Variants in RBM26 observed in about 807,000 individuals in gnomAD.
RBM26 encodes the protein RNA-binding protein 26.
In RBM26, 30 loss-of-function variants were observed where a neutral mutation model predicts 123.6. The ratio of observed to expected loss-of-function variants is 0.24; its 90% CI spans 0.18 to 0.33. The LOEUF is 0.33. Among genes scored for constraint, RBM26 ranks in the 10% least tolerant of loss-of-function variants. The probability of loss-of-function intolerance (pLI) is 1.00; values close to 1 mark genes in which losing one functional copy is unlikely to be tolerated. For missense variants in RBM26, 947 were observed against 1,203.6 expected, an observed-to-expected ratio of 0.79 and a Z score of 3.15; for synonymous variants, 400 against 404.4, an observed-to-expected ratio of 0.99 and a Z score of 0.13.
chr13:79,331,854 A>G lies in RBM26; in HGVS notation c.2820+2490T>C, dbSNP rs577359223. Among the ~76,000 whole-genome samples, 58 of 152,306 alleles carry G rather than the reference A, an allele frequency of 3.8e-4. 1 individual carries two copies. The highest frequency in any genetic ancestry group is 1.1e-3 in the African/African-American group (47 of 41,564). On this transcript the variant is annotated intron_variant, in intron 20 of 21. Coordinates refer to ENST00000438737, the MANE Select transcript of RBM26 (RefSeq NM_001366735.2). ...GTCTGAGTACTTATCCAACTTTAGT[A>G]CTTTGGCATGGTGATAGACAAAAAA...
chr13:79,392,380 G>GA (rs1272339025), intron 1 of RBM26, among the ~76,000 whole-genome samples: 5 of 142,138 alleles, frequency 3.5e-5, no homozygotes, highest in African/African-American at 1.3e-4. Flanking sequence ...TACTTTTTAG[G>GA]AAAAAAGCTT....
At position 79,405,709 on chromosome 13, in the gene RBM26, C is replaced by T; in HGVS notation, c.66G>A (p.Glu22=). The change falls in exon 1 of 22, where the codon GAG becomes GAA. Residue 22 remains glutamate, a synonymous_variant. Coordinates refer to ENST00000438737, the MANE Select transcript of RBM26 (RefSeq NM_001366735.2). ...GATATCCCCCGGATACTCACATGGG[C>T]TCGAGAGTCTTGCTGAGCCAGGACT... is the stretch of plus-strand genomic sequence containing the variant. ...ALKSWLSKTL[E]PICDADPSAL... is the part of the protein sequence containing the mutation. The T allele has an allele frequency of 6.3e-7, 1 of 1,596,164 alleles. No homozygotes were observed. The highest frequency in any genetic ancestry group is 8.5e-7 in the Non-Finnish European group (1 of 1,169,656).
chr13:79,376,880 T>A (rs1262143744), intron 3 of RBM26: 1 of 152,570 alleles, frequency 6.6e-6, no homozygotes, highest in Non-Finnish European at 1.5e-5. Context: ...CATTACCCCC[T>A]GATAAGGAAT....
intron 9 of RBM26, among the ~76,000 whole-genome samples, chr13:79,362,002 G>C (rs1223359200): frequency 5.3e-5 from 8 of 151,954 alleles, no homozygotes; most frequent in Non-Finnish European, 7.4e-5. Flanking sequence ...CCTCCCACTG[G>C]TACTAATGGG....
intron 6 of RBM26, 66 bp downstream of exon 6, chr13:79,368,663 AT>A (rs2075582385): frequency 6.7e-7 from 1 of 1,483,014 alleles, no homozygotes; most frequent in Non-Finnish European, 9.2e-7. Flanking sequence ...TATGTACAAC[AT>A]AAACACAGAA....
intron 1 of RBM26, among the ~76,000 whole-genome samples, chr13:79,401,535 T>C (rs1234827986): frequency 2.0e-5 from 3 of 152,172 alleles, no homozygotes; most frequent in Non-Finnish European, 4.4e-5. Flanking sequence ...CTCATAAAAC[T>C]TGTAAGTACA....
intron 18 of RBM26, 23 bp downstream of exon 18, chr13:79,341,100 T>C: frequency 1.5e-6 from 2 of 1,367,172 alleles, no homozygotes; most frequent in Non-Finnish European, 2.1e-6. Context: ...TTAAGCCTAC[T>C]GTGTAGTTGT....
intron 5 of RBM26, 25 bp downstream of exon 5, chr13:79,370,920 A>G: frequency 6.3e-7 from 1 of 1,578,684 alleles, no homozygotes; most frequent in South Asian, 1.1e-5. Context: ...TTTTCATAAA[A>G]AGATAACCAA....
chr13:79,399,027 A>C (rs532847029), intron 1 of RBM26, among the ~76,000 whole-genome samples: 5 of 152,238 alleles, frequency 3.3e-5, no homozygotes, highest in Non-Finnish European at 7.3e-5. Flanking sequence ...TGAGACTCTA[A>C]TAATAAAGCT....
intron 18 of RBM26, among the ~76,000 whole-genome samples, chr13:79,340,501 T>C (rs1594096277): frequency 6.6e-6 from 1 of 152,192 alleles, no homozygotes; most frequent in Non-Finnish European, 1.5e-5. Flanking sequence ...CCAACTATAT[T>C]AATGACGTTA....
At chr13:79,337,031 C>T (rs1245187236) in intron 19 of RBM26, 71 bp downstream of exon 19, 1 of 1,361,462 alleles carries the variant, frequency 7.3e-7, no homozygotes, top group Non-Finnish European at 1.0e-6. Context: ...TTCATAACTT[C>T]CTCTTTAATT....
At chr13:79,404,385 A>G (rs1335904482) in intron 1 of RBM26, among the ~76,000 whole-genome samples, 1 of 152,220 alleles carries the variant, frequency 6.6e-6, no homozygotes, top group African/African-American at 2.4e-5. Flanking sequence ...ATCTCTGCCT[A>G]CAACACACTT....
At chr13:79,403,815 T>C (rs2140608409) in intron 1 of RBM26, among the ~76,000 whole-genome samples, 1 of 152,316 alleles carries the variant, frequency 6.6e-6, no homozygotes, top group South Asian at 2.1e-4. Flanking sequence ...TCTACTCCAG[T>C]GAAACTATTT....
chr13:79,345,082 T>C (rs2072087795), intron 14 of RBM26, among the ~76,000 whole-genome samples: 1 of 152,130 alleles, frequency 6.6e-6, no homozygotes, highest in South Asian at 2.1e-4. Flanking sequence ...ACTACATCAC[T>C]GAGAAAGCAT....
At chr13:79,321,669 T>C (rs2067683243) in intron 21 of RBM26, among the ~76,000 whole-genome samples, 1 of 151,282 alleles carries the variant, frequency 6.6e-6, no homozygotes, top group East Asian at 1.9e-4. Flanking sequence ...ACCTCTCAAT[T>C]ATATTACCAG....
chr13:79,331,542 G>A (rs887662658), intron 20 of RBM26, among the ~76,000 whole-genome samples: 4 of 151,568 alleles, frequency 2.6e-5, no homozygotes, highest in Non-Finnish European at 4.4e-5. Flanking sequence ...GCTGAGGCAG[G>A]AGAATGGCAT....
chr13:79,358,310 T>C lies in RBM26; in HGVS notation c.1653A>G (p.Glu551=). The C allele has an allele frequency of 6.2e-7, 1 of 1,609,614 alleles. No homozygotes were observed. Among genetic ancestry groups the C allele is most frequent in the Non-Finnish European group, 8.5e-7 (1 of 1,178,698 alleles). ...PELNNISKLN[E]HFSRFGTLVN... is the part of the protein sequence containing the mutation. Reference sequence around the variant, plus strand: ...CCAAGGTTCCAAATCGACTAAAATGTTCATTAAGTTTGCTGATATTATTTA... The same window carrying C: ...CCAAGGTTCCAAATCGACTAAAATGCTCATTAAGTTTGCTGATATTATTTA... Residue 551 remains glutamate (E), a synonymous_variant, in exon 11 of 22, where the codon GAA becomes GAG. Coordinates refer to ENST00000438737, the MANE Select transcript of RBM26 (RefSeq NM_001366735.2).
Position 79,313,132 on chromosome 13 carries a change from T to C in RBM26, c.*1838A>G, listed in dbSNP as rs531581097. The C allele has an allele frequency of 3.3e-5, 5 of 151,994 alleles. No individual in the cohort carries two copies. The South Asian group carries it at 6.2e-4, about 19-fold the overall frequency. 9.4% of individuals were successfully genotyped at this position (151,994 alleles called of 1,614,324 possible). Reference sequence around the variant, plus strand: ...CAATCATGCAGAGGAAACTGCTTCATTCAATTACACAAAAGTGATTCTGTA... The same window carrying C: ...CAATCATGCAGAGGAAACTGCTTCACTCAATTACACAAAAGTGATTCTGTA... On this transcript the variant is annotated 3_prime_UTR_variant, in exon 5 of 5. Coordinates refer to the RBM26 transcript ENST00000449987.
Position 79,319,332 on chromosome 13 carries a change from T to C in RBM26, c.*1289A>G, listed in dbSNP as rs2067432856. On this transcript the variant is annotated 3_prime_UTR_variant, in exon 22 of 22. Coordinates refer to ENST00000438737, the MANE Select transcript of RBM26 (RefSeq NM_001366735.2). Reference sequence around the variant, plus strand: ...AACACTTGCAATCAAAATGATGAATTTGAAAATATAAATATGTAATCTCCC... The same window carrying C: ...AACACTTGCAATCAAAATGATGAATCTGAAAATATAAATATGTAATCTCCC... The C allele has an allele frequency of 1.0e-6, 1 of 982,854 alleles. No homozygotes were observed. The allele number at this position is 982,854 out of a possible 1,614,324, so 60.9% of individuals were successfully genotyped here. A position where few individuals can be genotyped will look rare whatever the true frequency, so the allele number is the denominator to read the frequency against.
Sources: allele counts gnomAD v4.1 joint callset (sites outside exome capture counted in the v4.1 genomes callset), GRCh38; gene constraint gnomAD v4.1.1; transcripts MANE v1.5; gene names NCBI Gene and HGNC (gene_info 2026-07-23, HGNC 2026-07-21).